Variants in RANBP2 observed in about 807,000 individuals in gnomAD.
The protein encoded by RANBP2 is E3 SUMO-protein ligase RanBP2.
RANBP2 carries 57 observed loss-of-function variants against 303.6 expected under a neutral mutation model. That is an observed-to-expected ratio of 0.19 (90% CI 0.15 to 0.23). The LOEUF (loss-of-function observed/expected upper bound fraction) is 0.23. Among genes scored for constraint, RANBP2 ranks in the 10% least tolerant of loss-of-function variants. The probability of loss-of-function intolerance (pLI) is 1.00; values close to 1 mark genes in which losing one functional copy is unlikely to be tolerated. For synonymous variants in RANBP2, 1,167 were observed against 1,301.5 expected (o/e 0.90, Z 2.23); for missense variants, 3,138 against 3,780.8 (o/e 0.83, Z 4.46).
the RANBP2 span, among the ~76,000 whole-genome samples, chr2:109,040,011 T>C: frequency 6.6e-6 from 1 of 152,204 alleles, no homozygotes; most frequent in African/African-American, 2.4e-5. Flanking sequence ...AAGTTAGTGC[T>C]TTTTGTATTC....
At chr2:109,333,141 C>T in the RANBP2 span, among the ~76,000 whole-genome samples, 1 of 152,224 alleles carries the variant, frequency 6.6e-6, no homozygotes, top group East Asian at 1.9e-4. Flanking sequence ...GCTCAAGTCC[C>T]AGGGTTGATC....
At chr2:109,055,245 T>C in the RANBP2 span, among the ~76,000 whole-genome samples, 27 of 152,352 alleles carry the variant, frequency 1.8e-4, no homozygotes, top group African/African-American at 6.3e-4. Context: ...AGAATTGGGT[T>C]GCTTGTTTTA....
the RANBP2 span, among the ~76,000 whole-genome samples, chr2:109,121,708 G>A: frequency 7.9e-5 from 12 of 152,098 alleles, no homozygotes; most frequent in South Asian, 2.1e-4. Context: ...GTAAAAACCA[G>A]GGGTTACTCT....
At chr2:109,462,891 G>A in the RANBP2 span, among the ~76,000 whole-genome samples, 3 of 152,144 alleles carry the variant, frequency 2.0e-5, no homozygotes, top group Non-Finnish European at 2.9e-5. Flanking sequence ...TTTGGCTCTC[G>A]TCAACTTAGG....
chr2:109,672,885 C>T, the RANBP2 span, among the ~76,000 whole-genome samples: 1 of 152,068 alleles, frequency 6.6e-6, no homozygotes, highest in African/African-American at 2.4e-5. Flanking sequence ...CAATACATTG[C>T]CTCAATGTTT....
At chr2:109,777,254 G>A in the RANBP2 span, among the ~76,000 whole-genome samples, 1 of 148,114 alleles carries the variant, frequency 6.8e-6, no homozygotes, top group Admixed American at 6.9e-5. Context: ...AAGCACAAAA[G>A]GATGTGTGAT....
chr2:108,880,823 A>T, the RANBP2 span, among the ~76,000 whole-genome samples: 1 of 152,228 alleles, frequency 6.6e-6, no homozygotes, highest in Non-Finnish European at 1.5e-5. Flanking sequence ...TCTACCATGG[A>T]CATGTACAAG....
the RANBP2 span, among the ~76,000 whole-genome samples, chr2:109,254,381 T>G: frequency 6.6e-6 from 1 of 152,252 alleles, no homozygotes; most frequent in East Asian, 1.9e-4. Flanking sequence ...TTTCCCCATC[T>G]GTAAAATGGG....
the RANBP2 span, among the ~76,000 whole-genome samples, chr2:109,343,793 G>A: frequency 6.6e-6 from 1 of 151,202 alleles, no homozygotes; most frequent in Non-Finnish European, 1.5e-5. Context: ...CACCTAGGCT[G>A]GAGTGCAGTG....
intron 8 of RANBP2, among the ~76,000 whole-genome samples, chr2:108,748,538 G>A (rs563892781): frequency 3.1e-4 from 47 of 152,094 alleles, no homozygotes; most frequent in African/African-American, 1.0e-3. Context: ...ATTCTTAAAA[G>A]CTGTTTAAAG....
At chr2:109,147,195 C>T in the RANBP2 span, among the ~76,000 whole-genome samples, 312 of 152,176 alleles carry the variant, frequency 2.1e-3, 1 homozygote, top group African/African-American at 6.2e-3. Context: ...GAGAAAAGAC[C>T]GGGATGCCTG....
chr2:108,942,541 T>C, the RANBP2 span, among the ~76,000 whole-genome samples: 1 of 152,254 alleles, frequency 6.6e-6, no homozygotes, highest in African/African-American at 2.4e-5. Flanking sequence ...GGGGCCAGCG[T>C]CCCCGTCTCC....
chr2:108,734,258 C>T (rs1695393234), intron 4 of RANBP2, among the ~76,000 whole-genome samples: 1 of 151,632 alleles, frequency 6.6e-6, no homozygotes. Flanking sequence ...TCAGGTTTCT[C>T]AGTGAAGGAT....
chr2:109,001,228 C>T, the RANBP2 span, among the ~76,000 whole-genome samples: 1 of 152,174 alleles, frequency 6.6e-6, no homozygotes, highest in Non-Finnish European at 1.5e-5. Context: ...GAGCTCCAGA[C>T]CACACAGTCT....
the RANBP2 span, among the ~76,000 whole-genome samples, chr2:109,696,827 G>A: frequency 6.6e-6 from 1 of 151,964 alleles, no homozygotes; most frequent in African/African-American, 2.4e-5. Flanking sequence ...ACTCAGGCTG[G>A]AGTACAGTGG....
At chr2:109,514,627 T>C in the RANBP2 span, among the ~76,000 whole-genome samples, 77,244 of 152,136 alleles carry the variant, frequency 0.51, 20,243 homozygotes, top group Middle Eastern at 0.69. Context: ...GCAGGGACCT[T>C]GAGCCTGCAG....
the RANBP2 span, among the ~76,000 whole-genome samples, chr2:109,265,412 C>A: frequency 3.3e-5 from 5 of 152,354 alleles, no homozygotes; most frequent in Admixed American, 2.6e-4. Context: ...GAAGGAAACA[C>A]TGTAATTCTA....
chr2:109,349,687 C>T, the RANBP2 span, among the ~76,000 whole-genome samples: 5 of 152,242 alleles, frequency 3.3e-5, no homozygotes, highest in Non-Finnish European at 7.3e-5. Flanking sequence ...CTCCAGGGGC[C>T]TCACAGGAGG....
intron 18 of RANBP2, among the ~76,000 whole-genome samples, chr2:108,760,222 C>T (rs908350200): frequency 4.6e-5 from 7 of 152,180 alleles, no homozygotes; most frequent in Admixed American, 1.3e-4. Context: ...AGCTAACCAC[C>T]TTATTAACAT....
Sources: gnomAD v4.1 joint callset for allele counts (sites outside exome capture counted in the v4.1 genomes callset) on GRCh38, gnomAD v4.1.1 for gene constraint, MANE v1.5 for transcripts, NCBI Gene and HGNC (gene_info 2026-07-23, HGNC 2026-07-21) for gene names.